The following DLGAP4 variants were observed in gnomAD, a reference collection of about 807,000 sequenced individuals.
The protein encoded by DLGAP4 is DLG associated protein 4.
Under a neutral mutation model 86.9 loss-of-function variants are expected in DLGAP4, and 18 were observed. That is an observed-to-expected ratio of 0.21 (90% CI 0.14 to 0.31). The LOEUF is 0.31. DLGAP4 is among the 10% of genes least tolerant of loss of function. The pLI is 1.00. For missense variants in DLGAP4, 1,085 were observed against 1,362.6 expected (o/e 0.80, Z 3.21); for synonymous variants, 548 against 574.3 (o/e 0.95, Z 0.65).
chr20:36,436,023 G>C (rs2033264137), intron 3 of DLGAP4, 86 bp from the exon 4 acceptor site: 1 of 1,446,428 alleles, frequency 6.9e-7, no homozygotes, highest in Non-Finnish European at 9.1e-7. Flanking sequence ...CAGGGAACGA[G>C]GGAGCTTCAG....
At chr20:36,523,524 A>C (rs980914155) in intron 10 of DLGAP4, among the ~76,000 whole-genome samples, 1 of 152,138 alleles carries the variant, frequency 6.6e-6, no homozygotes, top group Non-Finnish European at 1.5e-5. Flanking sequence ...ATGTTTATTT[A>C]ATCTCTGGAA....
At chr20:36,348,938 T>C (rs2030038066) in intron 1 of DLGAP4, among the ~76,000 whole-genome samples, 2 of 150,316 alleles carry the variant, frequency 1.3e-5, no homozygotes, top group Non-Finnish European at 3.0e-5. Flanking sequence ...CCATCTCTAC[T>C]AAAAGTACAA....
At chr20:36,512,930 C>CT (rs1390698701) in intron 10 of DLGAP4, among the ~76,000 whole-genome samples, 7 of 66,490 alleles carry the variant, frequency 1.1e-4, no homozygotes, top group African/African-American at 3.0e-4. Flanking sequence ...TCTCAGAGGC[C>CT]CTTTTTTTTT....
intron 4 of DLGAP4, among the ~76,000 whole-genome samples, chr20:36,437,121 C>T (rs1481669796): frequency 1.3e-5 from 2 of 152,212 alleles, no homozygotes; most frequent in African/African-American, 4.8e-5. Flanking sequence ...CTATAATGAT[C>T]CAGGCCCCCT....
chr20:36,439,714 TG>T (rs1214109124), intron 4 of DLGAP4, 39 bp from the exon 5 acceptor site: 9 of 1,568,758 alleles, frequency 5.7e-6, no homozygotes, highest in Non-Finnish European at 7.8e-6. Context: ...GGGTGAACAA[TG>T]GGTGGGCTGA....
At chr20:36,343,671 G>A (rs538057150) in intron 1 of DLGAP4, among the ~76,000 whole-genome samples, 18 of 152,222 alleles carry the variant, frequency 1.2e-4, no homozygotes, top group Middle Eastern at 3.4e-3. Flanking sequence ...GTGTCTGCAC[G>A]CATGCATGCA....
intron 7 of DLGAP4, among the ~76,000 whole-genome samples, chr20:36,450,494 G>A (rs151174837): frequency 5.4e-4 from 81 of 151,066 alleles, no homozygotes; most frequent in African/African-American, 1.8e-3. Context: ...GTGAGACTCC[G>A]TCTCAAAAAA....
At chr20:36,315,542 T>C (rs908285378) in intron 1 of DLGAP4, among the ~76,000 whole-genome samples, 3 of 151,986 alleles carry the variant, frequency 2.0e-5, no homozygotes, top group Non-Finnish European at 4.4e-5. Flanking sequence ...GTGGCCATGG[T>C]TGGGTCCCTG....
chr20:36,363,433 G>A (rs2030585638), intron 1 of DLGAP4, among the ~76,000 whole-genome samples: 1 of 152,224 alleles, frequency 6.6e-6, no homozygotes, highest in South Asian at 2.1e-4. Flanking sequence ...ACCAGAGAGG[G>A]CATGAATAAT....
chr20:36,317,272 TTTCTTA>T (rs1600393202), intron 1 of DLGAP4, among the ~76,000 whole-genome samples: 16 of 12,754 alleles, frequency 1.3e-3, no homozygotes, highest in African/African-American at 5.8e-3. Flanking sequence ...TCTTTCTTTC[TTTCTTA>T]TCTTTCTTTC....
chr20:36,356,436 C>T lies in DLGAP4; in HGVS notation c.-303-10609C>T, dbSNP rs149103207. On this transcript the variant is annotated intron_variant, in intron 1 of 12. Coordinates refer to ENST00000339266, the MANE Select transcript of DLGAP4 (RefSeq NM_001365621.2). ...AAGCAATTCTCCTGCCTCAGCCTCC[C>T]GAGTCACTGGGATTACAGGTAGCTG... Among the ~76,000 whole-genome samples, 293 of 152,220 alleles carry T rather than the reference C, an allele frequency of 1.9e-3. 1 individual carries two copies. The highest frequency in any genetic ancestry group is 3.6e-3 in the Non-Finnish European group (243 of 68,014).
intron 2 of DLGAP4, among the ~76,000 whole-genome samples, chr20:36,380,485 G>C (rs1181836491): frequency 6.6e-6 from 1 of 152,112 alleles, no homozygotes; most frequent in Non-Finnish European, 1.5e-5. Flanking sequence ...CTACTTGGGA[G>C]GCTGAGGCAG....
At chr20:36,462,497 C>G (rs1005191242) in intron 7 of DLGAP4, 38 of 1,597,670 alleles carry the variant, frequency 2.4e-5, no homozygotes, top group Non-Finnish European at 3.1e-5. Context: ...CCCCTTCTCT[C>G]TGCTCCTTGT....
In DLGAP4 at chr20:36,336,806, G is replaced by C. The variant is rs564892996; in HGVS notation, c.-303-30239G>C. Among the ~76,000 whole-genome samples, 4 of 152,268 alleles carry C rather than the reference G, an allele frequency of 2.6e-5. No homozygotes were observed. The East Asian group carries it at 5.8e-4, about 22-fold the overall frequency. On this transcript the variant is annotated intron_variant, in intron 1 of 12. Transcript: ENST00000339266. ...CTGTGGCCTTGCATCCAACCAGAGT[G>C]GGCGTCAGTCCAGCTTTGCTCCCGC...
intron 2 of DLGAP4, among the ~76,000 whole-genome samples, chr20:36,427,671 A>C (rs899629128): frequency 6.6e-6 from 1 of 152,100 alleles, no homozygotes; most frequent in African/African-American, 2.4e-5. Flanking sequence ...GGCTGGGTGC[A>C]GTGGCTCACG....
intron 2 of DLGAP4, among the ~76,000 whole-genome samples, chr20:36,377,443 A>G (rs766961479): frequency 6.6e-6 from 1 of 152,222 alleles, no homozygotes; most frequent in Non-Finnish European, 1.5e-5. Flanking sequence ...TGCAAAGTTT[A>G]AGTGAAATCA....
chr20:36,309,608 C>T (rs1201094725), intron 1 of DLGAP4, among the ~76,000 whole-genome samples: 2 of 152,356 alleles, frequency 1.3e-5, no homozygotes, highest in East Asian at 3.9e-4. Context: ...AAAGTCTCTA[C>T]AAGAGGGAGA....
intron 1 of DLGAP4, among the ~76,000 whole-genome samples, chr20:36,307,681 G>T (rs1207452530): frequency 6.6e-6 from 1 of 152,118 alleles, no homozygotes; most frequent in African/African-American, 2.4e-5. Flanking sequence ...TGACATAGCG[G>T]GAGGGGGCTG....
At chr20:36,487,882 T>C (rs2147732752) in intron 7 of DLGAP4, among the ~76,000 whole-genome samples, 1 of 152,238 alleles carries the variant, frequency 6.6e-6, no homozygotes, top group Non-Finnish European at 1.5e-5. Context: ...ATCCTATTTT[T>C]ATGGGTAAAA....
Sources: allele counts gnomAD v4.1 joint callset (sites outside exome capture counted in the v4.1 genomes callset), GRCh38; gene constraint gnomAD v4.1.1; transcripts MANE v1.5; gene names NCBI Gene and HGNC (gene_info 2026-07-23, HGNC 2026-07-21).